The following MARCHF1 variants were observed in gnomAD, a reference collection of about 807,000 sequenced individuals.
MARCHF1 encodes the protein membrane associated ring-CH-type finger 1.
A neutral mutation model predicts 54.2 loss-of-function variants in MARCHF1; 40 were observed. That is an observed-to-expected ratio of 0.74 (90% CI 0.57 to 0.96). The LOEUF (loss-of-function observed/expected upper bound fraction) is 0.96. Ranked by LOEUF, MARCHF1 falls within the 40% of genes least tolerant of loss-of-function variation. The pLI is 0.00. For synonymous variants in MARCHF1, 236 were observed against 236.3 expected (o/e 1.00, Z 0.01); for missense variants, 586 against 656.5 (o/e 0.89, Z 1.17).
At chr4:164,348,787 G>T (rs1257204063) in intron 1 of MARCHF1, among the ~76,000 whole-genome samples, 2 of 151,978 alleles carry the variant, frequency 1.3e-5, no homozygotes, top group African/African-American at 4.8e-5. Context: ...CATGGCAGGG[G>T]GTGTTTGGTC....
intron 1 of MARCHF1, among the ~76,000 whole-genome samples, chr4:164,128,127 T>C (rs1236468262): frequency 5.9e-5 from 9 of 152,142 alleles, no homozygotes. Flanking sequence ...ATTGGATCTA[T>C]GTCTAACACC....
At chr4:164,088,166 G>A (rs532037737) in intron 2 of MARCHF1, among the ~76,000 whole-genome samples, 1 of 152,008 alleles carries the variant, frequency 6.6e-6, no homozygotes, top group South Asian at 2.1e-4. Flanking sequence ...TTCCCCTCAT[G>A]GATTTACTCT....
At chr4:163,833,359 T>C (rs1749085381) in intron 4 of MARCHF1, among the ~76,000 whole-genome samples, 1 of 151,996 alleles carries the variant, frequency 6.6e-6, no homozygotes, top group Non-Finnish European at 1.5e-5. Flanking sequence ...AAGCCAAAAT[T>C]GACAAATGGG....
intron 8 of MARCHF1, among the ~76,000 whole-genome samples, chr4:163,562,300 A>G (rs1160534066): frequency 5.2e-5 from 2 of 38,114 alleles, no homozygotes; most frequent in Non-Finnish European, 1.1e-4. Flanking sequence ...TGTCTCAAAA[A>G]CAAAACAAAA....
chr4:163,773,962 T>A (rs1044147353), intron 4 of MARCHF1, among the ~76,000 whole-genome samples: 3 of 152,138 alleles, frequency 2.0e-5, no homozygotes, highest in Admixed American at 1.3e-4. Context: ...CAGAATCATA[T>A]CTGTTTTTTA....
intron 2 of MARCHF1, among the ~76,000 whole-genome samples, chr4:164,089,907 ATTCT>A (rs1460857131): frequency 2.0e-5 from 3 of 151,740 alleles, no homozygotes; most frequent in African/African-American, 4.8e-5. Context: ...ATCTGTTTAG[ATTCT>A]TTCTGCCTCC....
At chr4:164,106,961 T>C (rs1401712094) in intron 2 of MARCHF1, among the ~76,000 whole-genome samples, 1 of 152,114 alleles carries the variant, frequency 6.6e-6, no homozygotes, top group African/African-American at 2.4e-5. Context: ...ATGCAGAAGA[T>C]CTTTGCTATA....
intron 2 of MARCHF1, among the ~76,000 whole-genome samples, chr4:164,107,147 C>T (rs1372863562): frequency 2.6e-5 from 4 of 152,076 alleles, no homozygotes; most frequent in African/African-American, 9.7e-5. Context: ...CTCTCCAACA[C>T]GTTTTATTTT....
intron 1 of MARCHF1, among the ~76,000 whole-genome samples, chr4:164,169,203 C>A (rs764013681): frequency 2.0e-5 from 3 of 152,076 alleles, no homozygotes; most frequent in Non-Finnish European, 1.5e-5. Context: ...ATACACAATA[C>A]AATTTCTTTA....
chr4:164,153,583 G>T (rs892485637), intron 1 of MARCHF1, among the ~76,000 whole-genome samples: 1 of 151,932 alleles, frequency 6.6e-6, no homozygotes, highest in South Asian at 2.1e-4. Context: ...GATTAAAAAT[G>T]GATTAACTTT....
intron 3 of MARCHF1, among the ~76,000 whole-genome samples, chr4:163,922,182 G>C (rs564576369): frequency 1.3e-4 from 20 of 150,642 alleles, no homozygotes; most frequent in Middle Eastern, 3.5e-3. Flanking sequence ...ACATGGATGC[G>C]GGGGGGAGCA....
chr4:163,747,991 C>T (rs1746410161), intron 4 of MARCHF1, among the ~76,000 whole-genome samples: 1 of 152,190 alleles, frequency 6.6e-6, no homozygotes. Context: ...TGCCAAAAAC[C>T]TGGAGCCCAC....
chr4:163,707,711 C>T (rs1165523027), intron 4 of MARCHF1, among the ~76,000 whole-genome samples: 1 of 149,684 alleles, frequency 6.7e-6, no homozygotes, highest in Non-Finnish European at 1.5e-5. Flanking sequence ...TTGGGAATCT[C>T]TCCCAGAGAA....
At chr4:164,004,319 AATTT>A (rs776856833) in intron 2 of MARCHF1, among the ~76,000 whole-genome samples, 25 of 152,026 alleles carry the variant, frequency 1.6e-4, no homozygotes, top group Non-Finnish European at 3.5e-4. Flanking sequence ...CAATAATAAT[AATTT>A]ATTAGGAAGA....
intron 5 of MARCHF1, among the ~76,000 whole-genome samples, chr4:163,638,280 C>G (rs2111023276): frequency 6.6e-6 from 1 of 151,488 alleles, no homozygotes; most frequent in Admixed American, 6.6e-5. Flanking sequence ...AAATGTAATC[C>G]CAGTGTTGGA....
chr4:164,081,065 G>A (rs946550562), intron 2 of MARCHF1, among the ~76,000 whole-genome samples: 2 of 148,078 alleles, frequency 1.4e-5, no homozygotes, highest in Non-Finnish European at 3.0e-5. Flanking sequence ...AAAATTAGCC[G>A]GGAGCGGTGG....
intron 1 of MARCHF1, among the ~76,000 whole-genome samples, chr4:164,128,443 A>C (rs1333272730): frequency 6.6e-6 from 1 of 152,128 alleles, no homozygotes; most frequent in East Asian, 1.9e-4. Context: ...AAAGACTTAA[A>C]ATCCCACAGA....
intron 1 of MARCHF1, among the ~76,000 whole-genome samples, chr4:164,264,932 C>A (rs71616691): frequency 0.051 from 6,540 of 127,230 alleles, 499 homozygotes; most frequent in African/African-American, 0.18. Context: ...AAAAAAAAAA[C>A]AAAAAAAACA....
At chr4:163,626,302 C>G (rs975776955) in intron 5 of MARCHF1, among the ~76,000 whole-genome samples, 1 of 152,234 alleles carries the variant, frequency 6.6e-6, no homozygotes. Context: ...GCAATGTTAA[C>G]TATTGCCAAT....
Sources: allele counts gnomAD v4.1 joint callset (sites outside exome capture counted in the v4.1 genomes callset), GRCh38; gene constraint gnomAD v4.1.1; transcripts MANE v1.5; gene names NCBI Gene and HGNC (gene_info 2026-07-23, HGNC 2026-07-21).